Variants in TANGO6 observed in about 807,000 individuals in gnomAD.
The protein encoded by TANGO6 is transport and Golgi organization protein 6 homolog.
A neutral mutation model predicts 114.2 loss-of-function variants in TANGO6; 90 were observed. That is an observed-to-expected ratio of 0.79 (90% CI 0.66 to 0.94). The LOEUF (loss-of-function observed/expected upper bound fraction) is 0.94, where lower values mean the gene tolerates loss of function less well. Among genes scored for constraint, TANGO6 ranks in the 40% least tolerant of loss-of-function variants. The probability of loss-of-function intolerance (pLI) is 0.00; values close to 1 mark genes in which losing one functional copy is unlikely to be tolerated. For missense variants in TANGO6, 1,274 were observed against 1,315.3 expected (o/e 0.97, Z 0.49); for synonymous variants, 477 against 509.8 (o/e 0.94, Z 0.87).
intron 12 of TANGO6, among the ~76,000 whole-genome samples, chr16:68,920,272 G>A (rs1963071889): frequency 6.6e-6 from 1 of 152,186 alleles, no homozygotes; most frequent in Admixed American, 6.5e-5. Context: ...TCTAACCTAG[G>A]CTGGGAAGAT....
At position 68,949,127 on chromosome 16, in the gene TANGO6, G is replaced by A. The variant is rs188059649; in HGVS notation, c.2701+18832G>A. Reference sequence around the variant, plus strand: ...CTTGAACCTGGGAGGGGCAGGTTGCGGTAAGCCGAGATCGCGCCATTGCCC... The same window carrying A: ...CTTGAACCTGGGAGGGGCAGGTTGCAGTAAGCCGAGATCGCGCCATTGCCC... On this transcript the variant is annotated intron_variant, in intron 14 of 17. Coordinates refer to ENST00000261778, the MANE Select transcript of TANGO6 (RefSeq NM_024562.2). Among the ~76,000 whole-genome samples, 3 of 152,136 alleles carry A rather than the reference G, an allele frequency of 2.0e-5. No individual in the cohort carries two copies. In the East Asian group the frequency reaches 5.8e-4, roughly 30 times the overall value.
rs1201234944 is a variant in TANGO6, at chr16:69,082,738, C to T, written c.3109-747C>T. On this transcript the variant is annotated intron_variant, in intron 17 of 17. Transcript: ENST00000261778. ...CCAGCCTGGCAACAGAGTGAGACTC[C>T]GTCTCAAAAAAAAAAAAGCCTCCTG... is the stretch of plus-strand genomic sequence containing the variant. 4.0e-5 allele frequency among the ~76,000 whole-genome samples: 6 copies of T among 151,230 alleles called. No individual in the cohort carries two copies. The East Asian group carries it at 1.2e-3, about 29-fold the overall frequency.
intron 2 of TANGO6, among the ~76,000 whole-genome samples, chr16:68,862,118 A>C (rs993310474): frequency 2.0e-5 from 3 of 151,722 alleles, no homozygotes; most frequent in African/African-American, 4.8e-5. Flanking sequence ...GCTCACTGCA[A>C]CCTCCGCCTC....
intron 12 of TANGO6, among the ~76,000 whole-genome samples, chr16:68,927,158 T>C (rs1407308281): frequency 2.6e-5 from 4 of 152,218 alleles, no homozygotes; most frequent in Admixed American, 2.6e-4. Flanking sequence ...AGCCTTATCT[T>C]TTCAAGGGAG....
chr16:68,851,489 C>T (rs992777442), intron 1 of TANGO6, among the ~76,000 whole-genome samples: 4 of 152,146 alleles, frequency 2.6e-5, no homozygotes, highest in African/African-American at 9.7e-5. Context: ...AGTGTCTTAG[C>T]AATCGGTACA....
At chr16:68,980,409 C>CTCTCTCTCTATATA (rs1408626276) in intron 15 of TANGO6, among the ~76,000 whole-genome samples, 2 of 68,012 alleles carry the variant, frequency 2.9e-5, no homozygotes, top group African/African-American at 1.3e-4. Flanking sequence ...CTCTCTCTCT[C>CTCTCTCTCTATATA]TATATATATA....
intron 14 of TANGO6, among the ~76,000 whole-genome samples, chr16:68,963,399 G>GA (rs1238289273): frequency 1.3e-5 from 2 of 152,150 alleles, no homozygotes; most frequent in African/African-American, 4.8e-5. Context: ...TTACAGGTGT[G>GA]AACCACCATG....
intron 16 of TANGO6, among the ~76,000 whole-genome samples, chr16:69,036,873 G>A (rs1355273119): frequency 2.6e-5 from 4 of 152,092 alleles, no homozygotes; most frequent in African/African-American, 9.7e-5. Flanking sequence ...CGAGGTGGGA[G>A]GAGTGCCAGA....
intron 15 of TANGO6, among the ~76,000 whole-genome samples, chr16:69,000,752 T>C (rs539216425): frequency 3.5e-4 from 53 of 152,178 alleles, no homozygotes; most frequent in African/African-American, 1.3e-3. Flanking sequence ...CCACCACACC[T>C]GGCTACTTTT....
chr16:69,035,095 G>A (rs1959665089), intron 16 of TANGO6: 1 of 152,052 alleles, frequency 6.6e-6, no homozygotes, highest in Non-Finnish European at 1.5e-5. Flanking sequence ...GAGCTTTGGG[G>A]GCTGATACAA....
intron 17 of TANGO6, among the ~76,000 whole-genome samples, chr16:69,063,240 C>T (rs950626290): frequency 6.8e-6 from 1 of 147,924 alleles, no homozygotes; most frequent in African/African-American, 2.5e-5. Context: ...AAAAAAAACA[C>T]TGGGGCCGGG....
intron 14 of TANGO6, among the ~76,000 whole-genome samples, chr16:68,972,399 C>G (rs1444999092): frequency 6.6e-6 from 1 of 152,058 alleles, no homozygotes; most frequent in Non-Finnish European, 1.5e-5. Flanking sequence ...AAAAACTGCA[C>G]GTAGACTTTG....
At chr16:68,983,374 A>T (rs1001258365) in intron 15 of TANGO6, among the ~76,000 whole-genome samples, 5 of 149,850 alleles carry the variant, frequency 3.3e-5, no homozygotes, top group Admixed American at 2.7e-4. Context: ...GAAAACACTT[A>T]TTTTTTTTTT....
chr16:68,896,636 C>G lies in TANGO6; in HGVS notation c.1378-3798C>G, dbSNP rs916067346. ...AAACTTGTAAAGGTTACATGTACTTCCATCAAGGAAGTTTAAAGGGAGGTA... is the reference window on the plus strand; with the variant it reads ...AAACTTGTAAAGGTTACATGTACTTGCATCAAGGAAGTTTAAAGGGAGGTA... On this transcript the variant is annotated intron_variant, in intron 7 of 17. Coordinates refer to ENST00000261778, the MANE Select transcript of TANGO6 (RefSeq NM_024562.2). Among the ~76,000 whole-genome samples the G allele has an allele frequency of 6.6e-5, 10 of 152,198 alleles. No homozygotes were observed. The East Asian group carries it at 1.9e-3, about 29-fold the overall frequency.
At chr16:69,047,725 A>G (rs1214479267) in intron 17 of TANGO6, among the ~76,000 whole-genome samples, 1 of 152,212 alleles carries the variant, frequency 6.6e-6, no homozygotes, top group African/African-American at 2.4e-5. Flanking sequence ...AGCCCTCTAC[A>G]TAGTTTATTG....
intron 15 of TANGO6, among the ~76,000 whole-genome samples, chr16:69,007,459 C>T (rs1035008573): frequency 5.3e-5 from 8 of 151,424 alleles, no homozygotes; most frequent in Non-Finnish European, 1.0e-4. Context: ...TTAGTAGAGA[C>T]GGGTTTCACT....
intron 12 of TANGO6, among the ~76,000 whole-genome samples, chr16:68,919,906 G>A (rs891904938): frequency 6.6e-6 from 1 of 152,004 alleles, no homozygotes; most frequent in Non-Finnish European, 1.5e-5. Flanking sequence ...AATTAGCTGG[G>A]CGTGGTGGCG....
chr16:69,067,316 C>G (rs1960227752), intron 17 of TANGO6, among the ~76,000 whole-genome samples: 1 of 150,652 alleles, frequency 6.6e-6, no homozygotes, highest in Non-Finnish European at 1.5e-5. Flanking sequence ...CGAGACCATC[C>G]TGGCCAACAT....
chr16:68,928,132 A>G, intron 13 of TANGO6, 49 bp downstream of exon 13: 1 of 1,487,756 alleles, frequency 6.7e-7, no homozygotes, highest in Non-Finnish European at 8.9e-7. Flanking sequence ...TGGGGCATTC[A>G]TTCAACTCAA....
Sources: gnomAD v4.1 joint callset for allele counts (sites outside exome capture counted in the v4.1 genomes callset) on GRCh38, gnomAD v4.1.1 for gene constraint, MANE v1.5 for transcripts, NCBI Gene and HGNC (gene_info 2026-07-23, HGNC 2026-07-21) for gene names.